The following FNDC3B variants were observed in gnomAD, a reference collection of about 807,000 sequenced individuals.
FNDC3B encodes fibronectin type III domain-containing protein 3B.
In FNDC3B, 12 loss-of-function variants were observed where a neutral mutation model predicts 151.5. The ratio of observed to expected loss-of-function variants is 0.08; its 90% CI spans 0.05 to 0.13. The LOEUF is 0.13. Ranked by LOEUF, FNDC3B falls within the 10% of genes least tolerant of loss-of-function variation. The pLI is 1.00. For synonymous variants in FNDC3B, 528 were observed against 549.0 expected (o/e 0.96, Z 0.54); for missense variants, 1,214 against 1,505.3 (o/e 0.81, Z 3.20).
At chr3:172,346,157 T>TA (rs1177712799) in intron 19 of FNDC3B, 170 bp from the exon 20 acceptor site, 1 of 416,172 alleles carries the variant, frequency 2.4e-6, no homozygotes, top group East Asian at 3.7e-5. Context: ...GAGAAAAACT[T>TA]ACACACATTG....
chr3:172,300,147 A>T lies in FNDC3B; in HGVS notation c.1061+1360A>T, dbSNP rs78859439. On this transcript the variant is annotated intron_variant, in intron 9 of 25. Transcript: ENST00000415807. ...GTATTGAGCTTTTCACACACTCTGTACAAGAAGATCTGTGTAATTTGTGAA... is the reference window on the plus strand; with the variant it reads ...GTATTGAGCTTTTCACACACTCTGTTCAAGAAGATCTGTGTAATTTGTGAA... Among the ~76,000 whole-genome samples the T allele has an allele frequency of 8.0e-3, 1,217 of 152,360 alleles. 18 individuals are homozygous for T. Among genetic ancestry groups the T allele is most frequent in the African/African-American group, 0.028 (1,156 of 41,594 alleles).
At chr3:172,186,185 T>C (rs1407953711) in intron 3 of FNDC3B, among the ~76,000 whole-genome samples, 1 of 152,206 alleles carries the variant, frequency 6.6e-6, no homozygotes, top group African/African-American at 2.4e-5. Flanking sequence ...CAAAAGCCTT[T>C]TTCTCTTATG....
intron 2 of FNDC3B, among the ~76,000 whole-genome samples, chr3:172,117,475 C>T (rs1403030653): frequency 6.6e-6 from 1 of 152,160 alleles, no homozygotes; most frequent in Non-Finnish European, 1.5e-5. Context: ...AACATCAGCC[C>T]AAATTCTGAC....
At chr3:172,253,700 G>T (rs757174209) in intron 6 of FNDC3B, among the ~76,000 whole-genome samples, 2 of 152,110 alleles carry the variant, frequency 1.3e-5, no homozygotes, top group Non-Finnish European at 2.9e-5. Flanking sequence ...CATGTGACTT[G>T]TGTGTGTTTT....
chr3:172,166,933 G>A (rs1248377821), intron 3 of FNDC3B, among the ~76,000 whole-genome samples: 1 of 152,118 alleles, frequency 6.6e-6, no homozygotes, highest in East Asian at 1.9e-4. Context: ...GCTTTTCTAC[G>A]AAAGAAGCAC....
chr3:172,083,917 T>C (rs1397586687), intron 1 of FNDC3B, among the ~76,000 whole-genome samples: 6 of 152,226 alleles, frequency 3.9e-5, no homozygotes, highest in Non-Finnish European at 7.3e-5. Flanking sequence ...CTTAACTGCA[T>C]TGTGACCTTA....
chr3:172,322,758 C>G (rs1237933775), intron 11 of FNDC3B, among the ~76,000 whole-genome samples: 1 of 152,106 alleles, frequency 6.6e-6, no homozygotes, highest in Non-Finnish European at 1.5e-5. Flanking sequence ...AATGTGTACC[C>G]AGAAATACAG....
chr3:172,394,658 A>C (rs1323158313), intron 25 of FNDC3B, among the ~76,000 whole-genome samples: 2 of 152,210 alleles, frequency 1.3e-5, no homozygotes, highest in African/African-American at 4.8e-5. Context: ...CCAAATATTT[A>C]AAGAACTAAT....
At chr3:172,209,691 T>A (rs1725628686) in intron 3 of FNDC3B, among the ~76,000 whole-genome samples, 1 of 151,992 alleles carries the variant, frequency 6.6e-6, no homozygotes, top group Admixed American at 6.6e-5. Context: ...GACCATAGGC[T>A]TCAGGCCCTC....
chr3:172,394,766 G>C, intron 25 of FNDC3B, among the ~76,000 whole-genome samples: 1 of 152,058 alleles, frequency 6.6e-6, no homozygotes, highest in East Asian at 1.9e-4. Context: ...TCAAAGGCAG[G>C]CAAGGCCATT....
chr3:172,232,124 A>G (rs932724053), intron 4 of FNDC3B, among the ~76,000 whole-genome samples: 3 of 151,640 alleles, frequency 2.0e-5, no homozygotes, highest in African/African-American at 7.3e-5. Context: ...CAAGTGATTC[A>G]CCTGCCTCAG....
intron 6 of FNDC3B, among the ~76,000 whole-genome samples, chr3:172,256,832 C>T (rs1289814493): frequency 2.0e-5 from 3 of 151,986 alleles, no homozygotes; most frequent in Non-Finnish European, 4.4e-5. Flanking sequence ...TTTTAAAAGA[C>T]CTAAGTAGTC....
chr3:172,161,162 G>A (rs1039389251), intron 3 of FNDC3B, among the ~76,000 whole-genome samples: 4 of 152,190 alleles, frequency 2.6e-5, no homozygotes, highest in Admixed American at 2.0e-4. Flanking sequence ...CCCATTGGAA[G>A]TGTTTTAATT....
intron 21 of FNDC3B, among the ~76,000 whole-genome samples, chr3:172,348,036 C>T (rs1009042405): frequency 6.6e-6 from 1 of 152,068 alleles, no homozygotes; most frequent in Non-Finnish European, 1.5e-5. Context: ...GTTCTTTGTC[C>T]TCCTCTTTCC....
chr3:172,338,474 T>C (rs1179922838), intron 16 of FNDC3B: 1 of 152,190 alleles, frequency 6.6e-6, no homozygotes, highest in Admixed American at 6.6e-5. Flanking sequence ...ATCACACTTT[T>C]ATAACAAGTT....
chr3:172,057,337 T>G (rs549899289), intron 1 of FNDC3B, among the ~76,000 whole-genome samples: 117 of 152,366 alleles, frequency 7.7e-4, no homozygotes, highest in African/African-American at 2.8e-3. Context: ...CGTTGCAGGT[T>G]AAGTACATGA....
chr3:172,179,786 G>A (rs1024217365), intron 3 of FNDC3B, among the ~76,000 whole-genome samples: 1 of 149,560 alleles, frequency 6.7e-6, no homozygotes, highest in Non-Finnish European at 1.5e-5. Context: ...GGGATGCTGA[G>A]GTAGGAGGAT....
chr3:172,269,176 T>G (rs774273175), intron 6 of FNDC3B, among the ~76,000 whole-genome samples: 4 of 152,226 alleles, frequency 2.6e-5, no homozygotes, highest in Non-Finnish European at 5.9e-5. Context: ...CAAGGACAAC[T>G]TCAGACTACA....
intron 1 of FNDC3B, among the ~76,000 whole-genome samples, chr3:172,048,267 T>C (rs1716463546): frequency 6.6e-6 from 1 of 152,228 alleles, no homozygotes; most frequent in South Asian, 2.1e-4. Context: ...TTTCTCTTAG[T>C]ATTTTAAAGG....
Sources: allele counts gnomAD v4.1 joint callset (sites outside exome capture counted in the v4.1 genomes callset), GRCh38; gene constraint gnomAD v4.1.1; transcripts MANE v1.5; gene names NCBI Gene and HGNC (gene_info 2026-07-23, HGNC 2026-07-21).